TOM1: variants seen among roughly 807,000 people sequenced by gnomAD.
The protein encoded by TOM1 is target of myb1 membrane trafficking protein, also known as target of Myb protein 1.
TOM1 carries 38 observed loss-of-function variants against 61.3 expected under a neutral mutation model. The observed-to-expected ratio is 0.62, with a 90% CI of 0.48 to 0.81. The LOEUF (loss-of-function observed/expected upper bound fraction) is 0.81. Among genes scored for constraint, TOM1 ranks in the 40% least tolerant of loss-of-function variants. The pLI is 0.00. For synonymous variants in TOM1, 270 were observed against 268.8 expected (o/e 1.00, Z -0.04); for missense variants, 591 against 659.6 (o/e 0.90, Z 1.14).
chr22:35,334,361 A>G lies in TOM1; in HGVS notation c.1061A>G (p.Gln354Arg). 1 of 1,614,140 alleles carries G rather than the reference A, an allele frequency of 6.2e-7. No individual in the cohort carries two copies. The highest frequency in any genetic ancestry group is 8.5e-7 in the Non-Finnish European group (1 of 1,179,994). ...TCCAGCAGTGTGAGAGCTGGCCTGC[A>G]GTCTCTGGAGGCCTCTGGTCGACTG... is the stretch of plus-strand genomic sequence containing the variant. ...LGSSSVRAGL[Q>R]SLEASGRLED... is the part of the protein sequence containing the mutation. The change falls in exon 11 of 15, where the codon CAG becomes CGG. Residue 354 changes from glutamine (Q) to arginine (R), a missense_variant. Transcript: ENST00000449058.
At chr22:35,345,556 T>C (rs1469718381) in intron 12 of TOM1, 169 bp from the exon 13 acceptor site, 2 of 660,824 alleles carry the variant, frequency 3.0e-6, no homozygotes, top group African/African-American at 3.5e-5. Context: ...GCTCTGCACC[T>C]CCATCACCCA....
intron 1 of TOM1, among the ~76,000 whole-genome samples, chr22:35,317,079 G>A (rs913855977): frequency 6.6e-6 from 1 of 152,286 alleles, no homozygotes; most frequent in Non-Finnish European, 1.5e-5. Flanking sequence ...GGAAGAGGGG[G>A]CTGGGGCAGG....
intron 1 of TOM1, among the ~76,000 whole-genome samples, chr22:35,309,240 G>T (rs953217966): frequency 6.6e-6 from 1 of 152,134 alleles, no homozygotes; most frequent in Non-Finnish European, 1.5e-5. Flanking sequence ...GCACAGAGAG[G>T]CCGAGGAGTT....
chr22:35,299,445 G>A (rs1426972998), upstream of TOM1: 1 of 154,494 alleles, frequency 6.5e-6, no homozygotes, highest in East Asian at 1.9e-4. Context: ...CAAACAGGAA[G>A]AGTCTTACCG....
chr22:35,343,594 ACC>A (rs540986716), intron 12 of TOM1, among the ~76,000 whole-genome samples: 9 of 113,974 alleles, frequency 7.9e-5, no homozygotes, highest in African/African-American at 3.0e-4. Context: ...ACCTACACAC[ACC>A]CCTACACACA....
chr22:35,326,514 T>C (rs1312572227), intron 6 of TOM1, among the ~76,000 whole-genome samples: 3 of 152,122 alleles, frequency 2.0e-5, no homozygotes, highest in Admixed American at 1.3e-4. Context: ...TAAATCTGAG[T>C]TTCATATTCA....
At chr22:35,322,974 G>A (rs1927938617) in intron 3 of TOM1, 54 bp from the exon 4 acceptor site, 1 of 1,595,238 alleles carries the variant, frequency 6.3e-7, no homozygotes, top group Middle Eastern at 1.7e-4. Flanking sequence ...TGGGGGTTCT[G>A]AGCACCTCCT....
intron 6 of TOM1, among the ~76,000 whole-genome samples, chr22:35,324,162 G>T (rs1013687735): frequency 1.3e-5 from 2 of 152,222 alleles, no homozygotes; most frequent in African/African-American, 4.8e-5. Flanking sequence ...GGCAGGCACT[G>T]CCCTGTACCT....
intron 1 of TOM1, among the ~76,000 whole-genome samples, chr22:35,313,138 G>T (rs1232627978): frequency 6.6e-6 from 1 of 152,130 alleles, no homozygotes; most frequent in Non-Finnish European, 1.5e-5. Context: ...CTTGAGGTCA[G>T]GAGTTCGAGA....
In TOM1 at chr22:35,341,399, C is replaced by A. The variant is rs151273039; in HGVS notation, c.1224+2611C>A. Among the ~76,000 whole-genome samples, 79 of 152,300 alleles carry A rather than the reference C, an allele frequency of 5.2e-4. No individual in the cohort carries two copies. The East Asian group carries it at 0.01, about 20-fold the overall frequency. On this transcript the variant is annotated intron_variant, in intron 12 of 14. Transcript: ENST00000449058. ...TGCCTAGGGTCTCGTAGGTATTGTTCTGCCTGGCTTCTAAGCCATGCTGGT... is the reference window on the plus strand; with the variant it reads ...TGCCTAGGGTCTCGTAGGTATTGTTATGCCTGGCTTCTAAGCCATGCTGGT...
At position 35,343,635 on chromosome 22, in the gene TOM1, ACACAC is replaced by A. The variant is rs751638973; in HGVS notation, c.1225-2083_1225-2079del. 3.2e-4 allele frequency among the ~76,000 whole-genome samples: 43 copies of A among 132,866 alleles called. 1 individual carries two copies. Among genetic ancestry groups the A allele is most frequent in the Admixed American group, 1.8e-3 (23 of 12,962 alleles). The allele number at this position is 132,866 out of a possible 152,430, so 87.2% of individuals were successfully genotyped here. ...CACACACATCTACACCCACACCTAC[ACACAC>A]CACACCTATACTCATACACCTACAC... On this transcript the variant is annotated intron_variant, in intron 12 of 14. Transcript: ENST00000449058.
At chr22:35,330,634 T>A (rs1338120520) in intron 8 of TOM1, among the ~76,000 whole-genome samples, 154 bp downstream of exon 8, 4 of 152,224 alleles carry the variant, frequency 2.6e-5, no homozygotes, top group Admixed American at 2.0e-4. Flanking sequence ...CTCAGCTGTC[T>A]TCTTCCAGGA....
chr22:35,327,628 C>G (rs1169883463), intron 7 of TOM1, among the ~76,000 whole-genome samples: 1 of 152,224 alleles, frequency 6.6e-6, no homozygotes, highest in Non-Finnish European at 1.5e-5. Context: ...TGTAAGATTG[C>G]TCTAACAATA....
intron 1 of TOM1, among the ~76,000 whole-genome samples, chr22:35,317,620 T>C (rs1927407550): frequency 6.6e-6 from 1 of 152,130 alleles, no homozygotes; most frequent in Admixed American, 6.5e-5. Flanking sequence ...ATCCCTTTGG[T>C]GCACTCAGAG....
intron 1 of TOM1, among the ~76,000 whole-genome samples, chr22:35,312,223 G>A (rs1170072753): frequency 2.0e-5 from 3 of 147,634 alleles, no homozygotes; most frequent in African/African-American, 2.6e-5. Context: ...CAGCCTGGGC[G>A]ACAGAACAAG....
intron 7 of TOM1, 51 bp from the exon 8 acceptor site, chr22:35,330,296 G>T: frequency 6.5e-7 from 1 of 1,549,470 alleles, no homozygotes. Context: ...AAAAGAGACG[G>T]CCTCACTCTG....
chr22:35,338,588 C>T (rs1929587304), intron 11 of TOM1, 125 bp from the exon 12 acceptor site: 1 of 703,584 alleles, frequency 1.4e-6, no homozygotes, highest in Admixed American at 3.7e-5. Context: ...AAATGAGACC[C>T]TTTTTACCAT....
rs979089344 is a variant in TOM1, at chr22:35,300,102, C to A, written c.52+122C>A. 34 of 1,099,336 alleles carry A rather than the reference C, an allele frequency of 3.1e-5. 1 individual carries two copies. The African/African-American group carries it at 3.6e-4, about 12-fold the overall frequency. 68.1% of individuals were successfully genotyped at this position (1,099,336 alleles called of 1,614,324 possible). On this transcript the variant is annotated intron_variant, in intron 1 of 14. Coordinates refer to ENST00000449058, the MANE Select transcript of TOM1 (RefSeq NM_005488.3). ...AGGGCAAGGAGGCTGGCGTGTAGCT[C>A]TCCGACCTGGCTCCGCCCAGCTTTC...
chr22:35,304,739 A>G (rs1926167948), intron 1 of TOM1, among the ~76,000 whole-genome samples: 1 of 152,212 alleles, frequency 6.6e-6, no homozygotes, highest in Non-Finnish European at 1.5e-5. Flanking sequence ...CGGCCTCCCA[A>G]AGTGCTGGGA....
Sources: allele counts gnomAD v4.1 joint callset (sites outside exome capture counted in the v4.1 genomes callset), GRCh38; gene constraint gnomAD v4.1.1; transcripts MANE v1.5; gene names NCBI Gene and HGNC (gene_info 2026-07-23, HGNC 2026-07-21).